The following ADAM2 variants were observed in gnomAD, a reference collection of about 807,000 sequenced individuals.
ADAM2 encodes disintegrin and metalloproteinase domain-containing protein 2.
Under a neutral mutation model 99.3 loss-of-function variants are expected in ADAM2, and 101 were observed. The observed-to-expected ratio is 1.02, with a 90% CI of 0.87 to 1.20. The LOEUF (loss-of-function observed/expected upper bound fraction) is 1.20, where lower values mean the gene tolerates loss of function less well. Ranked by LOEUF, ADAM2 falls within the 50% of genes most tolerant of loss-of-function variation. ADAM2 has a pLI of 0.00. For missense variants in ADAM2, 948 were observed against 878.7 expected, an observed-to-expected ratio of 1.08 and a Z score of -1.00; for synonymous variants, 323 against 287.6, an observed-to-expected ratio of 1.12 and a Z score of -1.25.
At chr8:39,777,209 A>G (rs1563350738) in intron 10 of ADAM2, 48 bp from the exon 11 acceptor site, 1 of 1,472,620 alleles carries the variant, frequency 6.8e-7, no homozygotes, top group East Asian at 2.3e-5. Context: ...TATTTTGTTT[A>G]CTGGGAGAAC....
intron 16 of ADAM2, among the ~76,000 whole-genome samples, chr8:39,753,812 A>AACACACAC (rs34323295): frequency 1.3e-5 from 2 of 150,654 alleles, no homozygotes; most frequent in South Asian, 2.1e-4. Context: ...AAAACAACAA[A>AACACACAC]ACACACACAC....
chr8:39,818,182 T>G (rs1311472372), intron 6 of ADAM2: 1 of 151,956 alleles, frequency 6.6e-6, no homozygotes, highest in Non-Finnish European at 1.5e-5. Flanking sequence ...ATCTTCAAAA[T>G]TATGCCAGCA....
chr8:39,808,220 A>ACACACAAT lies in ADAM2; in HGVS notation c.570+1189_570+1190insATTGTGTG, dbSNP rs1423166067. 3.3e-5 allele frequency among the ~76,000 whole-genome samples: 5 copies of ACACACAAT among 151,490 alleles called. No individual in the cohort carries two copies. In the East Asian group the frequency reaches 7.7e-4, roughly 23 times the overall value. On this transcript the variant is annotated intron_variant, in intron 7 of 20. Transcript: ENST00000265708. ...CACACACACACACACACACACACACACAATTACAAGTAATAAACATTTTTT... is the reference window on the plus strand; with the variant it reads ...CACACACACACACACACACACACACACACACAATCAATTACAAGTAATAAACATTTTTT...
intron 7 of ADAM2, among the ~76,000 whole-genome samples, chr8:39,793,353 T>C (rs898529591): frequency 6.6e-6 from 1 of 152,100 alleles, no homozygotes; most frequent in African/African-American, 2.4e-5. Flanking sequence ...TGGACCTTAA[T>C]TGGGTTAAAA....
chr8:39,792,165 T>C (rs780849274), intron 7 of ADAM2, among the ~76,000 whole-genome samples: 2 of 151,872 alleles, frequency 1.3e-5, no homozygotes, highest in Non-Finnish European at 2.9e-5. Flanking sequence ...TCCAGTACTC[T>C]ATCTTCTGGT....
intron 4 of ADAM2, among the ~76,000 whole-genome samples, chr8:39,822,648 TA>T (rs1563380885): frequency 6.6e-6 from 1 of 152,206 alleles, no homozygotes; most frequent in Non-Finnish European, 1.5e-5. Flanking sequence ...ACTTTATTAT[TA>T]GAAGAGAAGT....
At chr8:39,764,192 G>T (rs746212389) in intron 14 of ADAM2, among the ~76,000 whole-genome samples, 1 of 152,106 alleles carries the variant, frequency 6.6e-6, no homozygotes, top group Non-Finnish European at 1.5e-5. Flanking sequence ...GATTACTTGA[G>T]ACCAGAAGTT....
chr8:39,783,069 T>C (rs1261985046), intron 10 of ADAM2, among the ~76,000 whole-genome samples: 1 of 152,178 alleles, frequency 6.6e-6, no homozygotes, highest in African/African-American at 2.4e-5. Context: ...CCTGTATTTT[T>C]AATGTCACTT....
chr8:39,798,500 CT>C (rs1223249907), intron 7 of ADAM2, among the ~76,000 whole-genome samples: 1 of 151,856 alleles, frequency 6.6e-6, no homozygotes, highest in Non-Finnish European at 1.5e-5. Flanking sequence ...CTGAAGTTTT[CT>C]TTTTTTGTTG....
intron 7 of ADAM2, among the ~76,000 whole-genome samples, chr8:39,792,715 A>G (rs1803772243): frequency 6.6e-6 from 1 of 152,124 alleles, no homozygotes; most frequent in African/African-American, 2.4e-5. Context: ...TTGTCAAAAA[A>G]AAATTGTGAA....
intron 7 of ADAM2, among the ~76,000 whole-genome samples, chr8:39,807,397 G>A (rs754917945): frequency 6.6e-6 from 1 of 152,172 alleles, no homozygotes; most frequent in Non-Finnish European, 1.5e-5. Flanking sequence ...GAGCTGTTAG[G>A]ATGGAATGAA....
chr8:39,781,344 C>T (rs1243630597), intron 10 of ADAM2, among the ~76,000 whole-genome samples: 1 of 152,068 alleles, frequency 6.6e-6, no homozygotes, highest in African/African-American at 2.4e-5. Context: ...GTACTAGACA[C>T]AAAATATTTT....
intron 6 of ADAM2, among the ~76,000 whole-genome samples, chr8:39,820,406 G>A (rs932465975): frequency 3.9e-5 from 6 of 152,086 alleles, no homozygotes; most frequent in African/African-American, 7.2e-5. Context: ...TGGTACTGCC[G>A]TCAAAGAGAA....
At chr8:39,811,573 T>C (rs532537124) in intron 6 of ADAM2, among the ~76,000 whole-genome samples, 1 of 152,298 alleles carries the variant, frequency 6.6e-6, no homozygotes, top group East Asian at 1.9e-4. Context: ...AAAAAGCTTA[T>C]CCACCACGAT....
chr8:39,837,123 A>C lies in ADAM2; in HGVS notation c.132+13T>G. On this transcript the variant is annotated intron_variant, in intron 2 of 20. Transcript: ENST00000265708. ...TCATTTTAAATTTGTAAATACTGTT[A>C]GTGATTCATTACCTGCGATTCAATT... The C allele has an allele frequency of 1.9e-6, 3 of 1,565,216 alleles. No individual in the cohort carries two copies. Among genetic ancestry groups the C allele is most frequent in the Non-Finnish European group, 2.6e-6 (3 of 1,144,954 alleles).
At chr8:39,751,443 T>C (rs1360259179) in intron 16 of ADAM2, among the ~76,000 whole-genome samples, 1 of 152,226 alleles carries the variant, frequency 6.6e-6, no homozygotes, top group Non-Finnish European at 1.5e-5. Flanking sequence ...GTACCCTTTT[T>C]CTGCAATGAA....
chr8:39,833,651 C>A (rs900935877), intron 3 of ADAM2, among the ~76,000 whole-genome samples: 52 of 151,828 alleles, frequency 3.4e-4, no homozygotes, highest in African/African-American at 1.2e-3. Context: ...TAAAAATAAG[C>A]CATATATATT....
At chr8:39,752,863 C>T (rs1256673874) in intron 16 of ADAM2, among the ~76,000 whole-genome samples, 1 of 152,176 alleles carries the variant, frequency 6.6e-6, no homozygotes, top group Non-Finnish European at 1.5e-5. Context: ...CCTTTGCCTT[C>T]TGCCATGATT....
At chr8:39,775,615 T>C (rs1290865393) in intron 11 of ADAM2, among the ~76,000 whole-genome samples, 2 of 152,154 alleles carry the variant, frequency 1.3e-5, no homozygotes, top group African/African-American at 2.4e-5. Flanking sequence ...AACTAACATA[T>C]TAAAATTGGA....
Sources: gnomAD v4.1 joint callset for allele counts (sites outside exome capture counted in the v4.1 genomes callset) on GRCh38, gnomAD v4.1.1 for gene constraint, MANE v1.5 for transcripts, NCBI Gene and HGNC (gene_info 2026-07-23, HGNC 2026-07-21) for gene names.